Variants in LIMA1 observed in about 807,000 individuals in gnomAD.
LIMA1 encodes LIM domain and actin binding 1.
In LIMA1, 52 loss-of-function variants were observed where a neutral mutation model predicts 62.6. That is an observed-to-expected ratio of 0.83 (90% CI 0.67 to 1.05). The LOEUF (loss-of-function observed/expected upper bound fraction) is 1.05, where lower values mean the gene tolerates loss of function less well. Ranked by LOEUF, LIMA1 falls within the 50% of genes least tolerant of loss-of-function variation. The pLI is 0.00. For missense variants in LIMA1, 780 were observed against 902.2 expected (o/e 0.86, Z 1.74); for synonymous variants, 302 against 317.8 (o/e 0.95, Z 0.53).
At chr12:50,252,201 A>T (rs1565859253) in intron 1 of LIMA1, among the ~76,000 whole-genome samples, 1 of 152,186 alleles carries the variant, frequency 6.6e-6, no homozygotes, top group Non-Finnish European at 1.5e-5. Context: ...ATTTCATCAA[A>T]GTGAAGGCAG....
chr12:50,236,531 C>T (rs917179778), intron 2 of LIMA1, among the ~76,000 whole-genome samples: 2 of 151,844 alleles, frequency 1.3e-5, no homozygotes, highest in African/African-American at 2.4e-5. Context: ...AACTCCTGAC[C>T]TCAGGTGTCC....
At chr12:50,211,242 G>T (rs1430116642) in intron 4 of LIMA1, among the ~76,000 whole-genome samples, 1 of 149,874 alleles carries the variant, frequency 6.7e-6, no homozygotes, top group Non-Finnish European at 1.5e-5. Flanking sequence ...AGAATCACTT[G>T]AACCTGGGAG....
intron 4 of LIMA1, among the ~76,000 whole-genome samples, chr12:50,221,605 G>A (rs1941441653): frequency 6.6e-6 from 1 of 152,168 alleles, no homozygotes; most frequent in Admixed American, 6.6e-5. Flanking sequence ...AGACAAGTAA[G>A]CCTCAGTCTT....
At chr12:50,178,127 C>A in intron 10 of LIMA1, 58 bp from the exon 11 acceptor site, 1 of 1,313,412 alleles carries the variant, frequency 7.6e-7, no homozygotes, top group Non-Finnish European at 1.0e-6. Flanking sequence ...TCACTTATAC[C>A]AGGAGGCTAA....
At chr12:50,189,075 A>T (rs1422598722) in intron 9 of LIMA1, 2 of 152,240 alleles carry the variant, frequency 1.3e-5, no homozygotes, top group African/African-American at 4.8e-5. Flanking sequence ...GCCAGAACAC[A>T]GCCATGCGGA....
intron 1 of LIMA1, among the ~76,000 whole-genome samples, chr12:50,278,708 T>C (rs1234693148): frequency 2.0e-5 from 3 of 152,196 alleles, no homozygotes; most frequent in Non-Finnish European, 4.4e-5. Flanking sequence ...GCAACCTCAA[T>C]ATAATAAATT....
chr12:50,215,852 C>A (rs1245341250), intron 4 of LIMA1, among the ~76,000 whole-genome samples: 2 of 152,052 alleles, frequency 1.3e-5, no homozygotes, highest in African/African-American at 4.8e-5. Context: ...GAGTTCGAGA[C>A]CAGCCTGGCC....
At chr12:50,276,521 C>T (rs1942277413) in intron 1 of LIMA1, among the ~76,000 whole-genome samples, 1 of 152,014 alleles carries the variant, frequency 6.6e-6, no homozygotes, top group Admixed American at 6.6e-5. Context: ...AGTATTTAAC[C>T]AATCTCTGGA....
In LIMA1 at chr12:50,222,023, T is replaced by C. The variant is rs543451168; in HGVS notation, c.628A>G (p.Lys210Glu). The C allele has an allele frequency of 1.8e-5, 29 of 1,605,348 alleles. 1 individual carries two copies. The South Asian group carries it at 2.9e-4, about 16-fold the overall frequency. ...TTTCAAACCCGCCCAATTCTTACCT[T>C]AGTTTGAGTTGGTTCACCTTTCTCA... ...MFEKGEPTQT[K>E]ILRAQSRSAS... The change falls in exon 4 of 11, where the codon AAG becomes GAG. Residue 210 changes from lysine to glutamate, a missense_variant and splice_region_variant. Coordinates refer to ENST00000341247, the MANE Select transcript of LIMA1 (RefSeq NM_016357.5).
intron 1 of LIMA1, among the ~76,000 whole-genome samples, chr12:50,258,685 G>A (rs1942028870): frequency 8.8e-6 from 1 of 114,186 alleles, no homozygotes; most frequent in African/African-American, 3.5e-5. Flanking sequence ...GTCTCACTCT[G>A]TCACCAGGCT....
chr12:50,206,383 T>G (rs1401494131), intron 4 of LIMA1, among the ~76,000 whole-genome samples: 1 of 152,216 alleles, frequency 6.6e-6, no homozygotes, highest in Non-Finnish European at 1.5e-5. Context: ...CAAGTGCTGA[T>G]GCAGAATCTG....
intron 9 of LIMA1, chr12:50,185,416 CAGAAATT>C (rs1264744088): frequency 4.4e-6 from 2 of 455,972 alleles, no homozygotes; most frequent in Admixed American, 4.7e-5. Flanking sequence ...AAGGCAGGAG[CAGAAATT>C]AGGTACCAGG....
At chr12:50,221,994 C>A in intron 4 of LIMA1, 27 bp downstream of exon 4, 1 of 1,571,528 alleles carries the variant, frequency 6.4e-7, no homozygotes, top group South Asian at 1.2e-5. Flanking sequence ...TTGGCTTTCT[C>A]AAGTTTCAAA....
intron 6 of LIMA1, among the ~76,000 whole-genome samples, chr12:50,203,477 A>G (rs1941095305): frequency 6.7e-6 from 1 of 149,952 alleles, no homozygotes; most frequent in Non-Finnish European, 1.5e-5. Flanking sequence ...GTAGTGGCGC[A>G]ATCTTGCCTC....
At chr12:50,227,597 G>A (rs936282415) in intron 3 of LIMA1, among the ~76,000 whole-genome samples, 72 of 152,044 alleles carry the variant, frequency 4.7e-4, no homozygotes, top group African/African-American at 1.5e-3. Context: ...TGGTGAATGC[G>A]ACAACCATCT....
chr12:50,226,104 T>C (rs1006694030), intron 3 of LIMA1, among the ~76,000 whole-genome samples: 1 of 152,106 alleles, frequency 6.6e-6, no homozygotes, highest in South Asian at 2.1e-4. Context: ...TAGAGTGCAG[T>C]GGCATGATCA....
chr12:50,257,807 T>A (rs1236596164), intron 1 of LIMA1, among the ~76,000 whole-genome samples: 5 of 152,230 alleles, frequency 3.3e-5, no homozygotes, highest in African/African-American at 1.2e-4. Flanking sequence ...TCTCAAGTAG[T>A]AACCTTGGCA....
intron 3 of LIMA1, among the ~76,000 whole-genome samples, chr12:50,223,272 C>CAGGA (rs1565847936): frequency 2.0e-5 from 3 of 151,454 alleles, no homozygotes; most frequent in South Asian, 2.1e-4. Flanking sequence ...ATCACAAGGT[C>CAGGA]AGGAGTTTGA....
chr12:50,233,993 G>T (rs1321584000), intron 2 of LIMA1: 1 of 379,076 alleles, frequency 2.6e-6, no homozygotes, highest in East Asian at 8.1e-5. Context: ...TGCAAAAATA[G>T]TGGCACAGCT....
Sources: allele counts gnomAD v4.1 joint callset (sites outside exome capture counted in the v4.1 genomes callset), GRCh38; gene constraint gnomAD v4.1.1; transcripts MANE v1.5; gene names NCBI Gene and HGNC (gene_info 2026-07-23, HGNC 2026-07-21).